C3orf70: variants seen among roughly 807,000 people sequenced by gnomAD.
The protein encoded by C3orf70 is UPF0524 protein C3orf70.
C3orf70 carries 15 observed loss-of-function variants against 20.7 expected under a neutral mutation model. That is an observed-to-expected ratio of 0.72 (90% CI 0.48 to 1.11). The LOEUF is 1.11. Ranked by LOEUF, C3orf70 falls within the 50% of genes most tolerant of loss-of-function variation. The pLI, the probability that C3orf70 is intolerant of heterozygous loss-of-function variation, is 0.00. For missense variants in C3orf70, 332 were observed against 317.6 expected (o/e 1.05, Z -0.34); for synonymous variants, 161 against 125.7 (o/e 1.28, Z -1.88).
chr3:185,084,643 C>T (rs1366276712), intron 1 of C3orf70, among the ~76,000 whole-genome samples: 1 of 152,148 alleles, frequency 6.6e-6, no homozygotes, highest in South Asian at 2.1e-4. Flanking sequence ...TATCTCCAAG[C>T]CTTCCTCTCT....
intron 1 of C3orf70, among the ~76,000 whole-genome samples, chr3:185,107,047 A>G (rs1321226106): frequency 1.3e-5 from 2 of 152,204 alleles, no homozygotes; most frequent in Admixed American, 1.3e-4. Flanking sequence ...AAAGCAGCTT[A>G]TTGGGTAAAT....
At position 185,078,707 on chromosome 3, in the gene C3orf70, G is replaced by A. The variant is rs1268437525; in HGVS notation, c.*4300C>T. ...GGAGAAGGGGACAGAAGAGAAAACTGTTAAAACTTTGTTTTCCTCATGTAA... is the reference window on the plus strand; with the variant it reads ...GGAGAAGGGGACAGAAGAGAAAACTATTAAAACTTTGTTTTCCTCATGTAA... On this transcript the variant is annotated 3_prime_UTR_variant, in exon 2 of 2. Transcript: ENST00000335012. 1.3e-5 allele frequency: 2 copies of A among 152,158 alleles called. No homozygotes were observed. Among genetic ancestry groups the A allele is most frequent in the African/African-American group, 4.8e-5 (2 of 41,448 alleles). 9.4% of individuals were successfully genotyped at this position (152,158 alleles called of 1,614,324 possible).
chr3:185,136,672 C>T (rs1030987159), intron 1 of C3orf70, among the ~76,000 whole-genome samples: 3 of 152,026 alleles, frequency 2.0e-5, no homozygotes, highest in East Asian at 1.9e-4. Flanking sequence ...TGCAGTGAGC[C>T]GAGATCGCGC....
At chr3:185,110,638 C>T (rs538530040) in intron 1 of C3orf70, among the ~76,000 whole-genome samples, 6 of 152,266 alleles carry the variant, frequency 3.9e-5, no homozygotes, top group South Asian at 4.1e-4. Context: ...ATGGCCATAA[C>T]GCCCATGCTG....
At chr3:185,091,174 G>T (rs1715562128) in intron 1 of C3orf70, among the ~76,000 whole-genome samples, 1 of 152,098 alleles carries the variant, frequency 6.6e-6, no homozygotes, top group African/African-American at 2.4e-5. Context: ...AGGCATATAT[G>T]CAAGGGCGTT....
At position 185,130,048 on chromosome 3, in the gene C3orf70, CTTCT is replaced by C. The variant is rs1183661010; in HGVS notation, c.196+22576_196+22579del. ...TTTAAATTAAGGTGAAATAGTATTA[CTTCT>C]TTCTATTTTTCCTGTTTCCTTTTCT... On this transcript the variant is annotated intron_variant, in intron 1 of 1. Coordinates refer to ENST00000335012, the MANE Select transcript of C3orf70 (RefSeq NM_001025266.3). Among the ~76,000 whole-genome samples the C allele has an allele frequency of 4.6e-5, 7 of 152,166 alleles. No homozygotes were observed. In the South Asian group the frequency reaches 6.2e-4, roughly 14 times the overall value.
chr3:185,077,111 G>A lies in C3orf70; in HGVS notation c.*5896C>T, dbSNP rs1318191915. ...TCATCAGAGCATAGAGATATTTGCA[G>A]AGACATGGTATAGGGTGCGGGGTGG... On this transcript the variant is annotated 3_prime_UTR_variant, in exon 2 of 2. Coordinates refer to ENST00000335012, the MANE Select transcript of C3orf70 (RefSeq NM_001025266.3). Among the ~76,000 whole-genome samples the A allele has an allele frequency of 6.6e-6, 1 of 152,146 alleles. No individual in the cohort carries two copies. The highest frequency in any genetic ancestry group is 2.4e-5 in the African/African-American group (1 of 41,408).
rs1715276634 is a variant in C3orf70, at chr3:185,079,286, A to AT, written c.*3720_*3721insA. 6.7e-6 allele frequency: 1 copy of AT among 149,616 alleles called. No homozygotes were observed. Among genetic ancestry groups the AT allele is most frequent in the African/African-American group, 2.4e-5 (1 of 40,818 alleles). 9.3% of individuals were successfully genotyped at this position (149,616 alleles called of 1,614,324 possible). A position where few individuals can be genotyped will look rare whatever the true frequency, so the allele number is the denominator to read the frequency against. ...AAGGAGCGAGACTCTGTCTCAAAAAAAAAAAAAAAAAAAAAAAAGTAAAGC... is the reference window on the plus strand; with the variant it reads ...AAGGAGCGAGACTCTGTCTCAAAAAATAAAAAAAAAAAAAAAAAAGTAAAGC... On this transcript the variant is annotated 3_prime_UTR_variant, in exon 2 of 2. Coordinates refer to ENST00000335012, the MANE Select transcript of C3orf70 (RefSeq NM_001025266.3).
intron 1 of C3orf70, among the ~76,000 whole-genome samples, chr3:185,141,070 G>A (rs1350593412): frequency 6.6e-6 from 1 of 151,900 alleles, no homozygotes; most frequent in Non-Finnish European, 1.5e-5. Flanking sequence ...CTAAAACCCA[G>A]AAGACAACCC....
chr3:185,117,445 AC>A (rs1716201558), intron 1 of C3orf70, among the ~76,000 whole-genome samples: 1 of 137,028 alleles, frequency 7.3e-6, no homozygotes, highest in African/African-American at 3.1e-5. Flanking sequence ...ACACACACAC[AC>A]ACACAGAAAG....
At chr3:185,150,744 G>T (rs534647499) in intron 1 of C3orf70, among the ~76,000 whole-genome samples, 1 of 152,116 alleles carries the variant, frequency 6.6e-6, no homozygotes, top group Admixed American at 6.6e-5. Flanking sequence ...CCTTTCTAGG[G>T]GCCACAGTCT....
At position 185,081,850 on chromosome 3, in the gene C3orf70, G is replaced by A. The variant is rs775506432; in HGVS notation, c.*1157C>T. Reference sequence around the variant, plus strand: ...CTTTTGCAGCTGCATAAAAATCCATGCATCACACTGAATTCTAATCCATTC... The same window carrying A: ...CTTTTGCAGCTGCATAAAAATCCATACATCACACTGAATTCTAATCCATTC... On this transcript the variant is annotated 3_prime_UTR_variant, in exon 2 of 2. Transcript: ENST00000335012. The A allele has an allele frequency of 6.6e-6, 1 of 152,584 alleles. No individual in the cohort carries two copies. The highest frequency in any genetic ancestry group is 6.6e-5 in the Admixed American group (1 of 15,266). 9.5% of individuals were successfully genotyped at this position (152,584 alleles called of 1,614,324 possible).
Position 185,079,169 on chromosome 3 carries a change from T to C in C3orf70, c.*3838A>G, listed in dbSNP as rs1010185464. On this transcript the variant is annotated 3_prime_UTR_variant, in exon 2 of 2. Transcript: ENST00000335012. The stretch of plus-strand genomic sequence containing the variant: ...GGTGGCGGGCACCTATAGTCCCAGC[T>C]ACTCAGGAGGCTGAGGCAGGAGAAT... 4 of 150,574 alleles carry C rather than the reference T, an allele frequency of 2.7e-5. No homozygotes were observed. Among genetic ancestry groups the C allele is most frequent in the African/African-American group, 9.8e-5 (4 of 40,802 alleles). 9.3% of individuals were successfully genotyped at this position (150,574 alleles called of 1,614,324 possible).
chr3:185,098,202 G>T (rs1303640735), intron 1 of C3orf70, among the ~76,000 whole-genome samples: 1 of 152,162 alleles, frequency 6.6e-6, no homozygotes, highest in Non-Finnish European at 1.5e-5. Context: ...ATATGCCTAG[G>T]CTAAAACTAT....
chr3:185,139,714 C>T (rs1447374903), intron 1 of C3orf70, among the ~76,000 whole-genome samples: 1 of 152,088 alleles, frequency 6.6e-6, no homozygotes, highest in Non-Finnish European at 1.5e-5. Flanking sequence ...AAGGGTACAA[C>T]AGCAACTCAA....
chr3:185,110,414 T>G (rs1474820188), intron 1 of C3orf70, among the ~76,000 whole-genome samples: 1 of 152,252 alleles, frequency 6.6e-6, no homozygotes, highest in Non-Finnish European at 1.5e-5. Flanking sequence ...ATTGTGCTTT[T>G]AATCTGTGTT....
At chr3:185,120,033 A>AAAGAAAAAGAAAAAAAAAGAAAG (rs1553920938) in intron 1 of C3orf70, among the ~76,000 whole-genome samples, 2 of 100,784 alleles carry the variant, frequency 2.0e-5, no homozygotes, top group African/African-American at 9.2e-5. Flanking sequence ...AAAAAAAAAA[A>AAAGAAAAAGAAAAAAAAAGAAAG]AAAAAGAAAA....
chr3:185,117,993 C>T (rs947288615), intron 1 of C3orf70, among the ~76,000 whole-genome samples: 1 of 152,170 alleles, frequency 6.6e-6, no homozygotes, highest in African/African-American at 2.4e-5. Flanking sequence ...TCTCACAGCA[C>T]CCTGGACTTC....
At chr3:185,087,662 G>C (rs147059036) in intron 1 of C3orf70, among the ~76,000 whole-genome samples, 1 of 152,112 alleles carries the variant, frequency 6.6e-6, no homozygotes, top group Non-Finnish European at 1.5e-5. Context: ...CTGGGCATAC[G>C]GGGGGATGGG....
Sources: gnomAD v4.1 joint callset for allele counts (sites outside exome capture counted in the v4.1 genomes callset) on GRCh38, gnomAD v4.1.1 for gene constraint, MANE v1.5 for transcripts, NCBI Gene and HGNC (gene_info 2026-07-23, HGNC 2026-07-21) for gene names.